Variants in SLC13A1 observed in about 807,000 individuals in gnomAD.
The protein encoded by SLC13A1 is Na(+)/sulfate cotransporter.
SLC13A1 carries 65 observed loss-of-function variants against 70.0 expected under a neutral mutation model. The ratio of observed to expected loss-of-function variants is 0.93; its 90% CI spans 0.76 to 1.14. SLC13A1 has a LOEUF of 1.14. Ranked by LOEUF, SLC13A1 falls within the 50% of genes most tolerant of loss-of-function variation. SLC13A1 has a pLI of 0.00. For missense variants in SLC13A1, 726 were observed against 717.8 expected (o/e 1.01, Z -0.13); for synonymous variants, 275 against 250.5 (o/e 1.10, Z -0.92).
intron 8 of SLC13A1, among the ~76,000 whole-genome samples, chr7:123,130,140 C>G (rs562570616): frequency 6.6e-6 from 1 of 152,078 alleles, no homozygotes; most frequent in Admixed American, 6.6e-5. Flanking sequence ...TGGTCAGAGA[C>G]TAAACTAAGC....
At chr7:123,146,354 G>A (rs1018226557) in intron 7 of SLC13A1, among the ~76,000 whole-genome samples, 4 of 151,982 alleles carry the variant, frequency 2.6e-5, no homozygotes, top group Non-Finnish European at 5.9e-5. Flanking sequence ...GCAAAACCCC[G>A]TGTCTACTAA....
intron 1 of SLC13A1, among the ~76,000 whole-genome samples, chr7:123,194,233 C>T (rs754273132): frequency 5.3e-5 from 8 of 152,072 alleles, no homozygotes; most frequent in Non-Finnish European, 8.8e-5. Flanking sequence ...ACATCACAGC[C>T]TGAGCCTTCC....
chr7:123,169,940 T>C (rs12112246), intron 3 of SLC13A1, among the ~76,000 whole-genome samples: 226 of 152,292 alleles, frequency 1.5e-3, no homozygotes, highest in African/African-American at 5.1e-3. Flanking sequence ...ATATTCTGAT[T>C]TATGCTCCCC....
chr7:123,164,342 G>A (rs966518249), intron 6 of SLC13A1, among the ~76,000 whole-genome samples: 1 of 151,672 alleles, frequency 6.6e-6, no homozygotes, highest in South Asian at 2.1e-4. Flanking sequence ...GTATGTTATT[G>A]CCTTTGGGGA....
At chr7:123,151,666 A>G (rs1794560307) in intron 6 of SLC13A1, among the ~76,000 whole-genome samples, 1 of 152,142 alleles carries the variant, frequency 6.6e-6, no homozygotes, top group African/African-American at 2.4e-5. Flanking sequence ...AATAAAAGAC[A>G]TAGAGAAGTT....
chr7:123,187,591 C>T (rs79823672), intron 1 of SLC13A1, among the ~76,000 whole-genome samples: 5,192 of 152,186 alleles, frequency 0.034, 316 homozygotes, highest in African/African-American at 0.12. Flanking sequence ...GTATCCTTTC[C>T]ATTCATGTTT....
At chr7:123,124,679 G>T (rs1468184347) in intron 11 of SLC13A1, among the ~76,000 whole-genome samples, 2 of 151,228 alleles carry the variant, frequency 1.3e-5, no homozygotes, top group African/African-American at 4.9e-5. Context: ...TGTTTAAAAA[G>T]TGTGTGTGTC....
Position 123,117,549 on chromosome 7 carries a change from T to G in SLC13A1, c.1572A>C (p.Ser524=). 3.7e-6 allele frequency: 6 copies of G among 1,611,990 alleles called. No homozygotes were observed. Among genetic ancestry groups the G allele is most frequent in the Non-Finnish European group, 5.1e-6 (6 of 1,178,540 alleles). The change falls in exon 14 of 15, where the codon TCA becomes TCC. Residue 524 remains serine (S), a synonymous_variant. Transcript: ENST00000194130. ...TTGCTACTGGTAGGAGGAATGCAAA[T>G]GAAGTACACAGAGTAGAAGGTATCA... ...YILIPSTLCT[S]FAFLLPVANP...
chr7:123,115,665 G>C lies in SLC13A1; in HGVS notation c.1651-10C>G. The C allele has an allele frequency of 6.2e-7, 1 of 1,613,206 alleles. No homozygotes were observed. Among genetic ancestry groups the C allele is most frequent in the Non-Finnish European group, 8.5e-7 (1 of 1,179,454 alleles). ...CAAGTCCAGCTTTAACCTTGAACAG[G>C]AAAGAGCATAAATGTCAGTGTCCCA... is the stretch of plus-strand genomic sequence containing the variant. On this transcript the variant is annotated splice_polypyrimidine_tract_variant and intron_variant, in intron 14 of 14. Coordinates refer to ENST00000194130, the MANE Select transcript of SLC13A1 (RefSeq NM_022444.4).
chr7:123,125,319 T>C lies in SLC13A1; in HGVS notation c.1240+250A>G, dbSNP rs77279356. ...TTACCATGGGTCAAATAGTATCGCT[T>C]GTAGCAGAGCCCTAGCCATGATACA... On this transcript the variant is annotated intron_variant, in intron 11 of 14. Coordinates refer to ENST00000194130, the MANE Select transcript of SLC13A1 (RefSeq NM_022444.4). 1.1e-3 allele frequency among the ~76,000 whole-genome samples: 163 copies of C among 152,298 alleles called. 1 individual carries two copies. The highest frequency in any genetic ancestry group is 3.6e-3 in the African/African-American group (148 of 41,572).
intron 1 of SLC13A1, among the ~76,000 whole-genome samples, chr7:123,181,441 T>C (rs111769484): frequency 0.02 from 3,015 of 152,256 alleles, 51 homozygotes; most frequent in Non-Finnish European, 0.031. Flanking sequence ...CACTCCCCCA[T>C]ACTTCCAGAG....
At chr7:123,121,902 T>C (rs1469672357) in intron 12 of SLC13A1, among the ~76,000 whole-genome samples, 1 of 152,120 alleles carries the variant, frequency 6.6e-6, no homozygotes, top group Non-Finnish European at 1.5e-5. Flanking sequence ...AGCCATACTC[T>C]TGAAGCTCAT....
rs142604571 is a variant in SLC13A1 at position 123,147,251 on chromosome 7, C to A, written c.720G>T (p.Thr240=). The A allele has an allele frequency of 4.3e-6, 7 of 1,613,656 alleles. No homozygotes were observed. Among genetic ancestry groups the A allele is most frequent in the Non-Finnish European group, 5.9e-6 (7 of 1,179,814 alleles). The change falls in exon 7 of 15, where the codon ACG becomes ACT. Residue 240 remains threonine (T), a synonymous_variant. Coordinates refer to ENST00000194130, the MANE Select transcript of SLC13A1 (RefSeq NM_022444.4). ...TAGAAGAGTAGGCAATGCACAAACA[C>A]GTAAGTTTACGTGTCACGTGGCCCT... is the stretch of plus-strand genomic sequence containing the variant. The part of the protein sequence containing the change: ...TKKGHVTRKL[T]CLCIAYSSTI...
At chr7:123,139,287 T>C (rs1010543677) in intron 7 of SLC13A1, among the ~76,000 whole-genome samples, 5 of 152,164 alleles carry the variant, frequency 3.3e-5, no homozygotes, top group African/African-American at 9.6e-5. Flanking sequence ...TCTGTTTATA[T>C]ACCAGTACCA....
chr7:123,187,106 G>A (rs151307390), intron 1 of SLC13A1, among the ~76,000 whole-genome samples: 9 of 152,188 alleles, frequency 5.9e-5, no homozygotes, highest in Admixed American at 3.3e-4. Context: ...GCCAGACAGA[G>A]GCAATTGTGT....
rs1180373882 is a variant in SLC13A1 at position 123,115,439 on chromosome 7, T to G, written c.*79A>C. 2 of 1,427,698 alleles carry G rather than the reference T, an allele frequency of 1.4e-6. No individual in the cohort carries two copies. Among genetic ancestry groups the G allele is most frequent in the Non-Finnish European group, 1.9e-6 (2 of 1,031,280 alleles). The allele number at this position is 1,427,698 out of a possible 1,614,324, so 88.4% of individuals were successfully genotyped here. On this transcript the variant is annotated 3_prime_UTR_variant, in exon 15 of 15. Transcript: ENST00000194130. ...AACTGATTTAAATGTGTGTCATTAG[T>G]TATTTAGAGCCACATTTTACAGTCA...
intron 6 of SLC13A1, 39 bp downstream of exon 6, chr7:123,168,335 T>A: frequency 7.6e-7 from 1 of 1,321,282 alleles, no homozygotes. Context: ...CTAATATAAT[T>A]TTGTATATAA....
chr7:123,194,413 G>A (rs1482743587), intron 1 of SLC13A1, among the ~76,000 whole-genome samples: 1 of 152,130 alleles, frequency 6.6e-6, no homozygotes, highest in Non-Finnish European at 1.5e-5. Flanking sequence ...ACTGTGTGGT[G>A]GAGGCTTTTA....
At chr7:123,163,001 TG>T (rs1385956046) in intron 6 of SLC13A1, among the ~76,000 whole-genome samples, 1 of 152,126 alleles carries the variant, frequency 6.6e-6, no homozygotes, top group Non-Finnish European at 1.5e-5. Flanking sequence ...CATTTGTAGA[TG>T]CCTGAAGGTT....
Sources: allele counts gnomAD v4.1 joint callset (sites outside exome capture counted in the v4.1 genomes callset), GRCh38; gene constraint gnomAD v4.1.1; transcripts MANE v1.5; gene names NCBI Gene and HGNC (gene_info 2026-07-23, HGNC 2026-07-21).